The following ANKRD66 variants were observed in gnomAD, a reference collection of about 807,000 sequenced individuals.
The protein encoded by ANKRD66 is ankyrin repeat domain-containing protein 66.
ANKRD66 carries 10 observed loss-of-function variants against 10.9 expected under a neutral mutation model. That is an observed-to-expected ratio of 0.91 (90% CI 0.56 to 1.55). ANKRD66 has a LOEUF of 1.55. Among genes scored for constraint, ANKRD66 ranks in the 40% most tolerant of loss-of-function variants. The pLI, the probability that ANKRD66 is intolerant of heterozygous loss-of-function variation, is 0.00. For synonymous variants in ANKRD66, 85 were observed against 88.4 expected, an observed-to-expected ratio of 0.96 and a Z score of 0.22; for missense variants, 252 against 242.9, an observed-to-expected ratio of 1.04 and a Z score of -0.25.
intron 3 of ANKRD66, among the ~76,000 whole-genome samples, chr6:46,752,478 A>G (rs951276405): frequency 3.6e-4 from 55 of 151,984 alleles, no homozygotes; most frequent in African/African-American, 1.3e-3. Context: ...CCAGTGATCC[A>G]CCCACCTCAG....
intron 4 of ANKRD66, chr6:46,756,265 T>G (rs1219914929): frequency 4.6e-6 from 1 of 216,380 alleles, no homozygotes; most frequent in Non-Finnish European, 9.4e-6. Flanking sequence ...TGGAAGGGTT[T>G]GTTATTTCAT....
chr6:46,758,661 G>T (rs754861028), intron 4 of ANKRD66, 62 bp from the exon 5 acceptor site: 5 of 1,446,040 alleles, frequency 3.5e-6, no homozygotes, highest in African/African-American at 2.9e-5. Flanking sequence ...AATAAAGGCC[G>T]ATTCCCAGGC....
Position 46,759,062 on chromosome 6 carries a change from TC to T in ANKRD66, c.*143del. 1.4e-6 allele frequency: 1 copy of T among 733,350 alleles called. No homozygotes were observed. The highest frequency in any genetic ancestry group is 2.1e-6 in the Non-Finnish European group (1 of 469,482). The allele number at this position is 733,350 out of a possible 1,614,324, so 45.4% of individuals were successfully genotyped here. On this transcript the variant is annotated 3_prime_UTR_variant, in exon 5 of 5. Transcript: ENST00000565422. ...CCCATGGACCTGTCATTAGGTGCTG[TC>T]CACATGGGCTGTTGTTTCCTGGCTA...
chr6:46,755,347 G>C (rs1030934127), intron 4 of ANKRD66, among the ~76,000 whole-genome samples: 4 of 152,120 alleles, frequency 2.6e-5, no homozygotes, highest in African/African-American at 9.7e-5. Context: ...AGAGCAGCTT[G>C]GCTATCTCTT....
chr6:46,759,492 T>G lies in ANKRD66; in HGVS notation c.*571T>G, dbSNP rs1441892174. 2.0e-5 allele frequency: 3 copies of G among 152,220 alleles called. No homozygotes were observed. The highest frequency in any genetic ancestry group is 4.4e-5 in the Non-Finnish European group (3 of 68,048). 9.4% of individuals were successfully genotyped at this position (152,220 alleles called of 1,614,324 possible). A position where few individuals can be genotyped will look rare whatever the true frequency, so the allele number is the denominator to read the frequency against. On this transcript the variant is annotated 3_prime_UTR_variant, in exon 5 of 5. Transcript: ENST00000565422. ...TTTGGATATTGCGTTGAATAAGATA[T>G]ATTACCAAAATGAATTTTATCTTTT...
chr6:46,753,757 G>T lies in ANKRD66; in HGVS notation c.199G>T (p.Gly67Ter), dbSNP rs1326479727. 6.4e-7 allele frequency: 1 copy of T among 1,551,288 alleles called. No individual in the cohort carries two copies. Residue 67 changes from glycine (G) to a stop codon, truncating the protein, a stop_gained, in exon 4 of 5, where the codon GGA becomes TGA. Transcript: ENST00000565422. LOFTEE classifies it high-confidence loss of function. ...MEVIRLLIEY[G>*]ARPCLVTSVG... The stretch of plus-strand genomic sequence containing the variant: ...GGTGATACGGCTCCTGATAGAATAT[G>T]GAGCCAGGCCCTGCCTGGTTACTAG...
chr6:46,758,949 G>GA lies in ANKRD66; in HGVS notation c.*30dup. 6.6e-7 allele frequency: 1 copy of GA among 1,515,222 alleles called. No individual in the cohort carries two copies. Among genetic ancestry groups the GA allele is most frequent in the Non-Finnish European group, 8.9e-7 (1 of 1,128,054 alleles). 93.9% of individuals were successfully genotyped at this position (1,515,222 alleles called of 1,614,324 possible). Reference sequence around the variant, plus strand: ...ACTCAACCTTATGTTTTCTGGCAAGGAACTTTCCCTGGTGCCAGAAATGAG... The same window carrying GA: ...ACTCAACCTTATGTTTTCTGGCAAGGAAACTTTCCCTGGTGCCAGAAATGAG... On this transcript the variant is annotated 3_prime_UTR_variant, in exon 5 of 5. Transcript: ENST00000565422.
At chr6:46,753,979 A>G (rs1766322245) in intron 4 of ANKRD66, 29 bp downstream of exon 4, 2 of 1,526,502 alleles carry the variant, frequency 1.3e-6, no homozygotes, top group Admixed American at 4.0e-5. Context: ...CACCTATAGA[A>G]GGAGCAGAGG....
At position 46,751,985 on chromosome 6, in the gene ANKRD66, C is replaced by T; in HGVS notation, c.37C>T (p.His13Tyr). The change falls in exon 3 of 5, where the codon CAC (histidine) becomes TAC (tyrosine). Residue 13 changes from histidine to tyrosine, a missense_variant. Transcript: ENST00000565422. The stretch of plus-strand genomic sequence containing the variant: ...CAAAATGTCAGACATGACAAAGCTT[C>T]ACCAAGCTGTGGCTGCAGGAGACTA... The part of the protein sequence containing the change: ...LAKMSDMTKL[H>Y]QAVAAGDYSL... 2 of 1,500,754 alleles carry T rather than the reference C, an allele frequency of 1.3e-6. No individual in the cohort carries two copies. The highest frequency in any genetic ancestry group is 1.8e-6 in the Non-Finnish European group (2 of 1,127,026). The allele number at this position is 1,500,754 out of a possible 1,614,324, so 93.0% of individuals were successfully genotyped here. A position where few individuals can be genotyped will look rare whatever the true frequency, so the allele number is the denominator to read the frequency against.
intron 1 of ANKRD66, among the ~76,000 whole-genome samples, chr6:46,748,145 A>G (rs999154980): frequency 6.6e-6 from 1 of 152,204 alleles, no homozygotes; most frequent in Non-Finnish European, 1.5e-5. Flanking sequence ...TGAAAAGACT[A>G]TTATGTTGTC....
intron 3 of ANKRD66, 108 bp downstream of exon 3, chr6:46,752,219 G>A: frequency 8.2e-7 from 1 of 1,213,498 alleles, no homozygotes; most frequent in Admixed American, 4.1e-5. Flanking sequence ...TTTAGAGCCA[G>A]TTGGAAACTT....
At position 46,749,889 on chromosome 6, in the gene ANKRD66, C is replaced by T. The variant is rs1452049977; in HGVS notation, c.-96-7C>T. 11 of 1,544,542 alleles carry T rather than the reference C, an allele frequency of 7.1e-6. No individual in the cohort carries two copies. The highest frequency in any genetic ancestry group is 9.6e-6 in the Non-Finnish European group (11 of 1,143,214). On this transcript the variant is annotated splice_polypyrimidine_tract_variant and splice_region_variant and intron_variant, in intron 1 of 4. Coordinates refer to ENST00000565422, the MANE Select transcript of ANKRD66 (RefSeq NM_001162435.3). Reference sequence around the variant, plus strand: ...AATTACGTTTACTTTTCTTTCTCTCCCTCCAGGGCTGTTCTCACATTTCAA... The same window carrying T: ...AATTACGTTTACTTTTCTTTCTCTCTCTCCAGGGCTGTTCTCACATTTCAA...
intron 3 of ANKRD66, 82 bp from the exon 4 acceptor site, chr6:46,753,640 G>A (rs1047741838): frequency 2.2e-5 from 30 of 1,338,456 alleles, no homozygotes; most frequent in Non-Finnish European, 2.8e-5. Flanking sequence ...CTTCTATTGT[G>A]TTACCTAGAC....
In ANKRD66 at chr6:46,750,037, G is replaced by T. The variant is rs910210450; in HGVS notation, c.-13+58G>T. 45 of 881,640 alleles carry T rather than the reference G, an allele frequency of 5.1e-5. No homozygotes were observed. In the East Asian group the frequency reaches 1.2e-3, roughly 23 times the overall value. The allele number at this position is 881,640 out of a possible 1,614,324, so 54.6% of individuals were successfully genotyped here. A position where few individuals can be genotyped will look rare whatever the true frequency, so the allele number is the denominator to read the frequency against. ...TTCTAACAAGTTCCCAGGGGCTGCT[G>T]CTGCTGCTGGTCACAGTTAGTGAAG... On this transcript the variant is annotated intron_variant, in intron 2 of 4. Coordinates refer to ENST00000565422, the MANE Select transcript of ANKRD66 (RefSeq NM_001162435.3).
intron 3 of ANKRD66, among the ~76,000 whole-genome samples, chr6:46,752,526 C>A (rs141085411): frequency 1.3e-5 from 2 of 152,216 alleles, no homozygotes; most frequent in South Asian, 4.1e-4. Flanking sequence ...TGAGCCACCA[C>A]GCCTGGCCCC....
intron 4 of ANKRD66, 124 bp downstream of exon 4, chr6:46,754,074 A>G (rs1042248793): frequency 1.2e-6 from 1 of 822,594 alleles, no homozygotes; most frequent in Non-Finnish European, 1.8e-6. Context: ...CCAATGGACT[A>G]TTATTTTTAT....
At chr6:46,758,653 T>A (rs1364035866) in intron 4 of ANKRD66, 70 bp from the exon 5 acceptor site, 2 of 1,430,616 alleles carry the variant, frequency 1.4e-6, no homozygotes, top group African/African-American at 1.4e-5. Context: ...AACCTGTGAA[T>A]AAAGGCCGAT....
chr6:46,751,160 CCA>C (rs1455172608), intron 2 of ANKRD66, among the ~76,000 whole-genome samples: 6 of 152,118 alleles, frequency 3.9e-5, no homozygotes, highest in Non-Finnish European at 8.8e-5. Flanking sequence ...GATTCCAGGT[CCA>C]GTTTGGTGTC....
intron 4 of ANKRD66, 88 bp from the exon 5 acceptor site, chr6:46,758,635 G>A: frequency 1.6e-6 from 2 of 1,288,214 alleles, no homozygotes; most frequent in South Asian, 1.7e-5. Flanking sequence ...CTGAACTGCG[G>A]TGTGCAGAAC....
Sources: allele counts gnomAD v4.1 joint callset (sites outside exome capture counted in the v4.1 genomes callset), GRCh38; gene constraint gnomAD v4.1.1; transcripts MANE v1.5; gene names NCBI Gene and HGNC (gene_info 2026-07-23, HGNC 2026-07-21).